Variants in GALNT17 observed in about 807,000 individuals in gnomAD.
GALNT17 encodes the protein UDP-GalNAc:polypeptide N-acetylgalactosaminyltransferase-like 3.
In GALNT17, 29 loss-of-function variants were observed where a neutral mutation model predicts 63.7. The observed-to-expected ratio is 0.46, with a 90% confidence interval of 0.34 to 0.62. The LOEUF is 0.62. Ranked by LOEUF, GALNT17 falls within the 20% of genes least tolerant of loss-of-function variation. GALNT17 has a pLI of 0.01. For missense variants in GALNT17, 603 were observed against 799.6 expected (o/e 0.75, Z 2.97); for synonymous variants, 305 against 318.3 (o/e 0.96, Z 0.45).
At chr7:71,414,766 A>G (rs1031309951) in intron 3 of GALNT17, among the ~76,000 whole-genome samples, 3 of 152,094 alleles carry the variant, frequency 2.0e-5, no homozygotes, top group South Asian at 2.1e-4. Context: ...TTCTCCCTGA[A>G]CTTACAGAGA....
intron 5 of GALNT17, among the ~76,000 whole-genome samples, chr7:71,452,122 A>C (rs1787273115): frequency 2.0e-5 from 3 of 152,186 alleles, no homozygotes; most frequent in Non-Finnish European, 4.4e-5. Flanking sequence ...GCACACCTGT[A>C]GTCCCAGCTT....
At chr7:71,621,541 GGATT>G (rs1269987211) in intron 6 of GALNT17, among the ~76,000 whole-genome samples, 4 of 65,516 alleles carry the variant, frequency 6.1e-5, no homozygotes, top group South Asian at 7.1e-4. Context: ...ATGGATTGAT[GGATT>G]GATGGATAGA....
intron 6 of GALNT17, among the ~76,000 whole-genome samples, chr7:71,610,189 C>G (rs1288724393): frequency 6.6e-6 from 1 of 152,058 alleles, no homozygotes; most frequent in Non-Finnish European, 1.5e-5. Context: ...GATATCCTAG[C>G]CATTAAAATG....
At chr7:71,438,931 C>T (rs549634889) in intron 5 of GALNT17, among the ~76,000 whole-genome samples, 59 of 149,862 alleles carry the variant, frequency 3.9e-4, no homozygotes, top group Middle Eastern at 3.4e-3. Context: ...GTGGCCCAGG[C>T]TGGAGTGCAG....
chr7:71,637,076 CTCA>C (rs1164341037), intron 6 of GALNT17, among the ~76,000 whole-genome samples: 4 of 152,160 alleles, frequency 2.6e-5, no homozygotes, highest in Non-Finnish European at 5.9e-5. Flanking sequence ...TAGCACATAA[CTCA>C]TCATGTTATT....
At chr7:71,235,453 A>G (rs560190226) in intron 1 of GALNT17, among the ~76,000 whole-genome samples, 32 of 152,286 alleles carry the variant, frequency 2.1e-4, no homozygotes, top group African/African-American at 7.2e-4. Context: ...TACTGCTGGA[A>G]TAAATGACGT....
chr7:71,508,401 T>A (rs1157986863), intron 5 of GALNT17, among the ~76,000 whole-genome samples: 1 of 152,198 alleles, frequency 6.6e-6, no homozygotes, highest in Non-Finnish European at 1.5e-5. Flanking sequence ...TGGTCTTGTG[T>A]TTGTATCTGT....
intron 1 of GALNT17, among the ~76,000 whole-genome samples, chr7:71,269,468 T>TA (rs1454721949): frequency 3.3e-5 from 5 of 151,824 alleles, no homozygotes; most frequent in Admixed American, 6.6e-5. Context: ...CCATGTCTAT[T>TA]AAAAAATAAG....
intron 5 of GALNT17, among the ~76,000 whole-genome samples, chr7:71,475,455 C>T (rs1016165173): frequency 6.6e-6 from 1 of 152,152 alleles, no homozygotes; most frequent in Non-Finnish European, 1.5e-5. Flanking sequence ...CTAGATCCCT[C>T]GCATGCACAG....
At chr7:71,160,734 C>CAG in intron 1 of GALNT17, among the ~76,000 whole-genome samples, 1 of 152,350 alleles carries the variant, frequency 6.6e-6, no homozygotes, top group South Asian at 2.1e-4. Context: ...GTTGGGATTA[C>CAG]AGGCGTGAGC....
intron 2 of GALNT17, among the ~76,000 whole-genome samples, chr7:71,369,866 G>A (rs1197490118): frequency 1.1e-4 from 17 of 150,190 alleles, no homozygotes. Context: ...ATTGACCTGT[G>A]TCAGAGGGAT....
chr7:71,621,832 G>A (rs1483252215), intron 6 of GALNT17, among the ~76,000 whole-genome samples: 1 of 152,142 alleles, frequency 6.6e-6, no homozygotes, highest in Non-Finnish European at 1.5e-5. Flanking sequence ...GTCACATACT[G>A]TGTCACTAAG....
intron 5 of GALNT17, among the ~76,000 whole-genome samples, chr7:71,540,093 CTTTTTTTTTTTTTTTTTTTT>C (rs71089954): frequency 3.0e-4 from 10 of 33,550 alleles, no homozygotes; most frequent in East Asian, 2.1e-3. Context: ...TGTGCCTGGC[CTTTTTTTTTTTTTTTTTTTT>C]TTTTTTTTTT....
At chr7:71,200,745 A>G (rs1789150411) in intron 1 of GALNT17, among the ~76,000 whole-genome samples, 1 of 152,082 alleles carries the variant, frequency 6.6e-6, no homozygotes, top group Non-Finnish European at 1.5e-5. Flanking sequence ...TAACTCTATA[A>G]TAGTGCACAG....
chr7:71,590,008 T>G (rs1789775006), intron 6 of GALNT17, among the ~76,000 whole-genome samples: 1 of 152,044 alleles, frequency 6.6e-6, no homozygotes. Context: ...ATAATCTTTA[T>G]GTAGACACAC....
chr7:71,603,942 T>C (rs1790007681), intron 6 of GALNT17, among the ~76,000 whole-genome samples: 4 of 123,310 alleles, frequency 3.2e-5, no homozygotes, highest in Admixed American at 3.1e-4. Context: ...GGCACTATGC[T>C]AAGTGCATAC....
intron 1 of GALNT17, among the ~76,000 whole-genome samples, chr7:71,292,634 GGAGA>G (rs148278821): frequency 8.9e-5 from 12 of 135,418 alleles, no homozygotes; most frequent in South Asian, 7.8e-4. Flanking sequence ...TTTGGGAGAG[GGAGA>G]GAGAGAGAGA....
At chr7:71,378,475 C>T (rs192930821) in intron 2 of GALNT17, among the ~76,000 whole-genome samples, 151 of 152,138 alleles carry the variant, frequency 9.9e-4, no homozygotes, top group African/African-American at 3.6e-3. Context: ...GAGTTTGAGC[C>T]CTGATTAGTA....
chr7:71,141,389 GA>G (rs972512045), intron 1 of GALNT17, among the ~76,000 whole-genome samples: 15 of 146,206 alleles, frequency 1.0e-4, no homozygotes, highest in African/African-American at 2.5e-4. Flanking sequence ...AAAAAGAAAA[GA>G]AAAAAAAAAG....
Sources: gnomAD v4.1 joint callset for allele counts (sites outside exome capture counted in the v4.1 genomes callset) on GRCh38, gnomAD v4.1.1 for gene constraint, MANE v1.5 for transcripts, NCBI Gene and HGNC (gene_info 2026-07-23, HGNC 2026-07-21) for gene names.